The following BRWD3 variants were observed in gnomAD, a reference collection of about 807,000 sequenced individuals.
BRWD3 encodes bromodomain and WD repeat-containing protein 3.
BRWD3 carries 10 observed loss-of-function variants against 149.7 expected under a neutral mutation model. That is an observed-to-expected ratio of 0.07 (90% CI 0.04 to 0.11). The LOEUF is 0.11. Among genes scored for constraint, BRWD3 ranks in the 10% least tolerant of loss-of-function variants. The pLI, the probability that BRWD3 is intolerant of heterozygous loss-of-function variation, is 1.00. For synonymous variants in BRWD3, 504 were observed against 456.7 expected (o/e 1.10, Z -1.32); for missense variants, 940 against 1,373.2 (o/e 0.68, Z 4.99).
chrX:80,732,668 T>C (rs369269350), intron 12 of BRWD3, among the ~76,000 whole-genome samples: 1 of 111,385 alleles, frequency 9.0e-6, no homozygotes, highest in South Asian at 3.8e-4. Flanking sequence ...AGCAAAGGAA[T>C]GGATGAGATG....
At chrX:80,755,449 C>T (rs1010626781) in intron 6 of BRWD3, among the ~76,000 whole-genome samples, 2 of 111,717 alleles carry the variant, frequency 1.8e-5, no homozygotes, top group African/African-American at 6.5e-5. Context: ...CATAAATTTA[C>T]ACCTAATAAA....
intron 40 of BRWD3, among the ~76,000 whole-genome samples, chrX:80,680,009 T>C (rs1215733153): frequency 1.8e-5 from 2 of 112,268 alleles, no homozygotes; most frequent in Non-Finnish European, 3.8e-5. Flanking sequence ...TAATCAAATA[T>C]GTTTCAACAT....
rs1602301489 is a variant in BRWD3 at position 80,684,106 on chromosome X, C to T, written c.4137G>A (p.Leu1379=). 7.5e-6 allele frequency: 9 copies of T among 1,206,621 alleles called. No individual in the cohort carries two copies. The highest frequency in any genetic ancestry group is 6.7e-6 in the Non-Finnish European group (6 of 891,314). ...PVDFSTVKET[L]EAGNYGSPLE... ...GAGGACTACCATAGTTTCCTGCTTC[C>T]AAAGTTTCTTTCACAGTGCTGAAGT... Residue 1379 remains leucine, a synonymous_variant, in exon 37 of 41, where the codon TTG becomes TTA. Transcript: ENST00000373275.
intron 6 of BRWD3, among the ~76,000 whole-genome samples, chrX:80,784,578 C>G (rs778985457): frequency 9.0e-6 from 1 of 110,767 alleles, no homozygotes; most frequent in Non-Finnish European, 1.9e-5. Context: ...TGTTGTTCCC[C>G]CGCCCTGTGT....
intron 17 of BRWD3, among the ~76,000 whole-genome samples, chrX:80,722,037 A>G (rs1020396463): frequency 1.8e-5 from 2 of 111,557 alleles, no homozygotes; most frequent in Admixed American, 1.9e-4. Flanking sequence ...TAGTAGAGAC[A>G]GGGTTTCACC....
rs1378619581 is a variant in BRWD3, at chrX:80,682,522, C to T, written c.4340G>A (p.Arg1447Gln). Reference protein sequence around the residue: ...AIQSQKRRRPRYRKRLRSSSS... With the variant: ...AIQSQKRRRPQYRKRLRSSSS... ...GCTGCTTCTTAGACGTTTTCTGTAC[C>T]GTGGCCTTCTCCTCTTCTGACTCTG... Residue 1447 changes from arginine to glutamine, a missense_variant, in exon 38 of 41, where the codon CGG becomes CAG. Arg to Gln is a conservative substitution (Grantham distance 43). This residue lies in a region of BRWD3 where 349 missense variants were observed against 419.6 expected (regional missense o/e 0.83). Coordinates refer to ENST00000373275, the MANE Select transcript of BRWD3 (RefSeq NM_153252.5). The T allele has an allele frequency of 5.8e-6, 7 of 1,210,036 alleles. No homozygotes were observed. The highest frequency in any genetic ancestry group is 3.0e-5 in the East Asian group (1 of 33,769).
intron 6 of BRWD3, among the ~76,000 whole-genome samples, chrX:80,754,980 C>T (rs776723018): frequency 2.1e-4 from 23 of 111,030 alleles, no homozygotes; most frequent in African/African-American, 5.9e-4. Flanking sequence ...TGGACTCCAG[C>T]CTGGGCAACA....
Position 80,682,605 on chromosome X carries a change from T to C in BRWD3, c.4257A>G (p.Leu1419=), listed in dbSNP as rs1569244669. 8.3e-7 allele frequency: 1 copy of C among 1,208,851 alleles called. No homozygotes were observed. The change falls in exon 38 of 41, where the codon TTA becomes TTG. Residue 1419 remains leucine, a synonymous_variant. Transcript: ENST00000373275. ...KSRIYSMMLR[L]SALFESHIKN... ...TGATATGACTTTCAAATAAGGCAGA[T>C]AATCGCAGCATCATGCTATAGATCT...
At chrX:80,751,372 T>C (rs1234021268) in intron 6 of BRWD3, among the ~76,000 whole-genome samples, 3 of 110,898 alleles carry the variant, frequency 2.7e-5, no homozygotes, top group African/African-American at 6.6e-5. Flanking sequence ...ATATACAAAA[T>C]TATTTGCCAA....
intron 6 of BRWD3, among the ~76,000 whole-genome samples, chrX:80,747,091 C>A (rs2073603442): frequency 1.8e-5 from 2 of 110,095 alleles, no homozygotes; most frequent in Non-Finnish European, 3.8e-5. Flanking sequence ...CCCATGACTC[C>A]AAGATAGGAA....
At chrX:80,731,890 G>C (rs1400550395) in intron 12 of BRWD3, among the ~76,000 whole-genome samples, 1 of 60,181 alleles carries the variant, frequency 1.7e-5, no homozygotes, top group African/African-American at 7.9e-5. Context: ...GCGAGACTCT[G>C]TCTCAAAAAA....
In BRWD3 at chrX:80,676,344, T is replaced by A. The variant is rs1477610927; in HGVS notation, c.*265A>T. On this transcript the variant is annotated 3_prime_UTR_variant, in exon 41 of 41. Coordinates refer to ENST00000373275, the MANE Select transcript of BRWD3 (RefSeq NM_153252.5). Reference sequence around the variant, plus strand: ...CTGTGTTGTGTTTCGTGTGTGTGTGTCTGTGTGTGTGTATGTGTGTGTATG... The same window carrying A: ...CTGTGTTGTGTTTCGTGTGTGTGTGACTGTGTGTGTGTATGTGTGTGTATG... The A allele has an allele frequency of 5.5e-6, 2 of 361,671 alleles. No individual in the cohort carries two copies. Among genetic ancestry groups the A allele is most frequent in the Admixed American group, 4.7e-5 (1 of 21,445 alleles). The allele number at this position is 361,671 out of a possible 1,213,427, so 29.8% of individuals were successfully genotyped here.
At chrX:80,735,340 A>C (rs2147777509) in intron 9 of BRWD3, 143 bp from the exon 10 acceptor site, 112 of 483,185 alleles carry the variant, frequency 2.3e-4, no homozygotes, top group East Asian at 4.8e-4. Context: ...TACTATTCTC[A>C]TCAATTAGGT....
intron 25 of BRWD3, among the ~76,000 whole-genome samples, chrX:80,699,629 G>A (rs986675118): frequency 8.9e-6 from 1 of 111,751 alleles, no homozygotes; most frequent in African/African-American, 3.3e-5. Context: ...AGAACCTTGA[G>A]AGTGTTTATA....
At chrX:80,792,688 CAT>C (rs1169461576) in intron 5 of BRWD3, among the ~76,000 whole-genome samples, 4 of 111,206 alleles carry the variant, frequency 3.6e-5, no homozygotes, top group Non-Finnish European at 7.5e-5. Context: ...TTAAACAAAA[CAT>C]AGAAATAAAT....
intron 33 of BRWD3, 132 bp downstream of exon 33, chrX:80,689,636 A>G (rs943307012): frequency 1.8e-6 from 1 of 547,073 alleles, no homozygotes; most frequent in Admixed American, 2.8e-5. Flanking sequence ...ACACTTTAAA[A>G]GACGCTGGTA....
At chrX:80,694,514 C>A (rs766277934) in intron 27 of BRWD3, among the ~76,000 whole-genome samples, 1 of 110,595 alleles carries the variant, frequency 9.0e-6, no homozygotes, top group African/African-American at 3.3e-5. Context: ...GGACACTCAA[C>A]GCCAGCCTGT....
chrX:80,778,400 T>C (rs772313894), intron 6 of BRWD3, among the ~76,000 whole-genome samples: 2 of 111,579 alleles, frequency 1.8e-5, no homozygotes, highest in East Asian at 5.6e-4. Context: ...GGAGGTGCAG[T>C]GGGGGATGAA....
chrX:80,723,687 C>A (rs2073182538), intron 16 of BRWD3, 61 bp downstream of exon 16: 1 of 1,173,048 alleles, frequency 8.5e-7, no homozygotes, highest in African/African-American at 1.8e-5. Context: ...GGGCTTTAAA[C>A]AAAATTTGTG....
Sources: gnomAD v4.1 joint callset for allele counts (sites outside exome capture counted in the v4.1 genomes callset) on GRCh38, gnomAD v4.1.1 for gene constraint, gnomAD v4.1.1 regional missense constraint, MANE v1.5 for transcripts, NCBI Gene and HGNC (gene_info 2026-07-23, HGNC 2026-07-21) for gene names.